Variants in KAZN observed in about 807,000 individuals in gnomAD.
KAZN encodes kazrin.
In KAZN, 40 loss-of-function variants were observed where a neutral mutation model predicts 87.4. The observed-to-expected ratio is 0.46, with a 90% CI of 0.36 to 0.60. The LOEUF is 0.60. Ranked by LOEUF, KAZN falls within the 20% of genes least tolerant of loss-of-function variation. The probability of loss-of-function intolerance (pLI) is 0.00; values close to 1 mark genes in which losing one functional copy is unlikely to be tolerated. For missense variants in KAZN, 898 were observed against 1,073.9 expected, an observed-to-expected ratio of 0.84 and a Z score of 2.29; for synonymous variants, 466 against 458.3, an observed-to-expected ratio of 1.02 and a Z score of -0.22.
intron 2 of KAZN, among the ~76,000 whole-genome samples, chr1:14,244,867 A>T (rs1649345107): frequency 6.6e-6 from 1 of 152,132 alleles, no homozygotes; most frequent in South Asian, 2.1e-4. Flanking sequence ...GTGCAGACTG[A>T]TGCTTTTATT....
chr1:14,552,674 G>C (rs763935018), intron 2 of KAZN, among the ~76,000 whole-genome samples: 8 of 152,164 alleles, frequency 5.3e-5, no homozygotes, highest in Non-Finnish European at 7.3e-5. Flanking sequence ...CATTCCAAGG[G>C]GGTGAGCAGC....
In KAZN at chr1:15,063,929, G is replaced by A. The variant is rs562757846; in HGVS notation, c.1098+307G>A. On this transcript the variant is annotated intron_variant, in intron 7 of 14. Coordinates refer to ENST00000376030, the MANE Select transcript of KAZN (RefSeq NM_201628.3). ...ATGCCACTTCTGGAGTCTCAGGTGG[G>A]CTGGGGCCTGAGCCAGTCTCAGCAC... Among the ~76,000 whole-genome samples the A allele has an allele frequency of 9.2e-5, 14 of 152,328 alleles. No individual in the cohort carries two copies. The East Asian group carries it at 2.1e-3, about 23-fold the overall frequency.
chr1:15,079,233 G>A (rs1639892392), intron 8 of KAZN, among the ~76,000 whole-genome samples: 1 of 152,132 alleles, frequency 6.6e-6, no homozygotes, highest in African/African-American at 2.4e-5. Context: ...CTGTGGAAGA[G>A]GCTCAGCTGA....
In KAZN at chr1:14,434,120, C is replaced by T. The variant is rs147598761; in HGVS notation, c.250-164863C>T. Among the ~76,000 whole-genome samples, 554 of 152,268 alleles carry T rather than the reference C, an allele frequency of 3.6e-3. 3 individuals are homozygous for T. Among genetic ancestry groups the T allele is most frequent in the African/African-American group, 0.012 (499 of 41,544 alleles). On this transcript the variant is annotated intron_variant, in intron 2 of 16. Coordinates refer to the KAZN transcript ENST00000636203. The stretch of plus-strand genomic sequence containing the variant: ...GCCCAAATAGATGCATCCATTGGCT[C>T]TTTTTTATTTTCAATCCATTGCATT...
chr1:15,081,541 G>T lies in KAZN; in HGVS notation c.1223-12639G>T, dbSNP rs149172742. Among the ~76,000 whole-genome samples, 66 of 151,974 alleles carry T rather than the reference G, an allele frequency of 4.3e-4. No individual in the cohort carries two copies. The highest frequency in any genetic ancestry group is 1.1e-3 in the African/African-American group (44 of 41,444). On this transcript the variant is annotated intron_variant, in intron 8 of 14. Transcript: ENST00000376030. This position sits in a 1 kb window ranked among gnomAD's most constrained non-coding sequence, Gnocchi z 4.1. ...CTGTGAGAGATGTCATGCAGGAAAG[G>T]TTCCAGGAATTAATGACAGCGTGTG...
chr1:14,383,337 A>G (rs1363015381), intron 2 of KAZN, among the ~76,000 whole-genome samples: 1 of 150,772 alleles, frequency 6.6e-6, no homozygotes, highest in Non-Finnish European at 1.5e-5. Flanking sequence ...CCATTTGTCA[A>G]TTTTGTCTTT....
At chr1:14,896,106 G>A (rs182264853) in intron 1 of KAZN, among the ~76,000 whole-genome samples, 18 of 147,188 alleles carry the variant, frequency 1.2e-4, no homozygotes, top group Admixed American at 8.8e-4. Flanking sequence ...CTAGGCTGGA[G>A]TGGAATGGTG....
chr1:14,303,927 T>C (rs1253494703), intron 2 of KAZN, among the ~76,000 whole-genome samples: 1 of 152,202 alleles, frequency 6.6e-6, no homozygotes, highest in African/African-American at 2.4e-5. Context: ...GCGTCATTTA[T>C]CTCAAGAGAC....
intron 2 of KAZN, among the ~76,000 whole-genome samples, chr1:14,324,458 C>T (rs1190696230): frequency 2.0e-5 from 3 of 152,208 alleles, no homozygotes; most frequent in African/African-American, 4.8e-5. Context: ...GAACCTTGCT[C>T]ATGAAGCCTC....
intron 2 of KAZN, among the ~76,000 whole-genome samples, chr1:14,394,671 T>C (rs1370090307): frequency 6.6e-6 from 1 of 152,180 alleles, no homozygotes; most frequent in East Asian, 1.9e-4. Flanking sequence ...CTAAGTGATA[T>C]TGTCATTCTT....
Position 13,945,707 on chromosome 1 carries a change from G to GTGTGTGTGTA in KAZN, c.91+51955_91+51956insTGTGTATGTG, listed in dbSNP as rs1339218306. The stretch of plus-strand genomic sequence containing the variant: ...TGTGTGTGTGTGTGTGTGTGTGTGT[G>GTGTGTGTGTA]TGTGAGAGAGAGAGAGAGAGAGAGA... On this transcript the variant is annotated intron_variant, in intron 1 of 16. Coordinates refer to the KAZN transcript ENST00000636203. Among the ~76,000 whole-genome samples, 26 of 135,842 alleles carry GTGTGTGTGTA rather than the reference G, an allele frequency of 1.9e-4. No homozygotes were observed. The East Asian group carries it at 6.3e-3, about 33-fold the overall frequency. The allele number at this position is 135,842 out of a possible 152,430, so 89.1% of individuals were successfully genotyped here.
chr1:15,057,825 G>C (rs1310652393), intron 5 of KAZN, among the ~76,000 whole-genome samples: 1 of 152,232 alleles, frequency 6.6e-6, no homozygotes, highest in East Asian at 1.9e-4. Flanking sequence ...TTTGAAGGCA[G>C]ACAGGGCTTG....
At chr1:14,117,551 A>G (rs1282753675) in intron 1 of KAZN, among the ~76,000 whole-genome samples, 1 of 152,104 alleles carries the variant, frequency 6.6e-6, no homozygotes, top group East Asian at 1.9e-4. Context: ...TACACCTCCC[A>G]AAGGCCCCAC....
At chr1:14,767,783 C>A (rs1200370228) in intron 1 of KAZN, among the ~76,000 whole-genome samples, 1 of 152,174 alleles carries the variant, frequency 6.6e-6, no homozygotes, top group Non-Finnish European at 1.5e-5. Flanking sequence ...CAGGAGCAGG[C>A]ACCACTTGGC....
Position 14,633,702 on chromosome 1 carries a change from T to C in KAZN, c.226+34479T>C, listed in dbSNP as rs148915598. Among the ~76,000 whole-genome samples, 3 of 152,260 alleles carry C rather than the reference T, an allele frequency of 2.0e-5. No individual in the cohort carries two copies. The East Asian group carries it at 5.8e-4, about 29-fold the overall frequency. On this transcript the variant is annotated intron_variant, in intron 1 of 14. Coordinates refer to ENST00000376030, the MANE Select transcript of KAZN (RefSeq NM_201628.3). Reference sequence around the variant, plus strand: ...TGAGCATTAGAATGACACACAGTCCTCGACTCTCAGACTCACAGAACATTA... The same window carrying C: ...TGAGCATTAGAATGACACACAGTCCCCGACTCTCAGACTCACAGAACATTA...
intron 1 of KAZN, among the ~76,000 whole-genome samples, chr1:14,633,743 A>G (rs1679751729): frequency 6.6e-6 from 1 of 152,144 alleles, no homozygotes; most frequent in Non-Finnish European, 1.5e-5. Context: ...CCTCTCTCTG[A>G]GGATTCAGAA....
chr1:14,635,588 T>C (rs1039861795), intron 1 of KAZN, among the ~76,000 whole-genome samples: 14 of 152,166 alleles, frequency 9.2e-5, no homozygotes, highest in African/African-American at 3.4e-4. Flanking sequence ...CCAATGATGA[T>C]GTCTCTTAGG....
At chr1:14,354,247 T>C (rs1658799402) in intron 2 of KAZN, among the ~76,000 whole-genome samples, 2 of 151,790 alleles carry the variant, frequency 1.3e-5, no homozygotes, top group Admixed American at 1.3e-4. Context: ...TACAGGGAAA[T>C]ATATTCACAA....
chr1:14,076,107 C>G (rs1177241400), intron 1 of KAZN, among the ~76,000 whole-genome samples: 1 of 152,054 alleles, frequency 6.6e-6, no homozygotes, highest in African/African-American at 2.4e-5. Flanking sequence ...TGGTGAAACC[C>G]TGTCTCTACT....
Sources: gnomAD v4.1 joint callset for allele counts (sites outside exome capture counted in the v4.1 genomes callset) on GRCh38, gnomAD v4.1.1 for gene constraint, Gnocchi (gnomAD v3.1) non-coding constraint, MANE v1.5 for transcripts, NCBI Gene and HGNC (gene_info 2026-07-23, HGNC 2026-07-21) for gene names.